The following RIMS2 variants were observed in gnomAD, a reference collection of about 807,000 sequenced individuals.
RIMS2 encodes the protein regulating synaptic membrane exocytosis protein 2.
In RIMS2, 59 loss-of-function variants were observed where a neutral mutation model predicts 174.4. That is an observed-to-expected ratio of 0.34 (90% CI 0.27 to 0.42). The LOEUF is 0.42. Ranked by LOEUF, RIMS2 falls within the 10% of genes least tolerant of loss-of-function variation. RIMS2 has a pLI of 1.00. For synonymous variants in RIMS2, 606 were observed against 572.5 expected (o/e 1.06, Z -0.84); for missense variants, 1,620 against 1,666.3 (o/e 0.97, Z 0.48).
At chr8:104,133,072 G>A (rs1325445765) in intron 19 of RIMS2, among the ~76,000 whole-genome samples, 1 of 152,198 alleles carries the variant, frequency 6.6e-6, no homozygotes, top group African/African-American at 2.4e-5. Context: ...AAAAACTTAA[G>A]TTCTAGTGTC....
chr8:103,663,127 C>T (rs1203681572), intron 1 of RIMS2, among the ~76,000 whole-genome samples: 1 of 151,824 alleles, frequency 6.6e-6, no homozygotes, highest in African/African-American at 2.4e-5. Context: ...TGAGATTACA[C>T]CACTGCACCC....
chr8:103,975,568 A>T, intron 16 of RIMS2, 62 bp downstream of exon 18: 2 of 1,180,526 alleles, frequency 1.7e-6, no homozygotes, highest in South Asian at 1.3e-5. Context: ...CTCCAGAGGG[A>T]CAAAACTAAT....
intron 15 of RIMS2, among the ~76,000 whole-genome samples, chr8:103,970,509 C>T (rs892319372): frequency 3.3e-5 from 5 of 152,156 alleles, no homozygotes; most frequent in Non-Finnish European, 7.3e-5. Context: ...CCTGGTGGAG[C>T]TCCTGGAGGT....
intron 19 of RIMS2, among the ~76,000 whole-genome samples, chr8:104,026,793 T>C (rs887275590): frequency 3.9e-5 from 6 of 152,260 alleles, no homozygotes; most frequent in African/African-American, 1.4e-4. Context: ...GATACAACAG[T>C]GATGAAGGAG....
intron 2 of RIMS2, among the ~76,000 whole-genome samples, chr8:103,697,879 G>C (rs1434090498): frequency 6.6e-6 from 1 of 152,140 alleles, no homozygotes; most frequent in Non-Finnish European, 1.5e-5. Context: ...ACAAGAGTTA[G>C]CTGGGCATGG....
chr8:104,104,564 T>C (rs1290641983), intron 19 of RIMS2, among the ~76,000 whole-genome samples: 2 of 152,314 alleles, frequency 1.3e-5, no homozygotes, highest in East Asian at 1.9e-4. Flanking sequence ...TGGAAAATTA[T>C]ATGATATAGT....
intron 3 of RIMS2, among the ~76,000 whole-genome samples, chr8:103,794,471 A>G (rs1231729608): frequency 2.6e-5 from 4 of 152,238 alleles, no homozygotes; most frequent in Non-Finnish European, 5.9e-5. Flanking sequence ...ACCTAAAACC[A>G]TAGAAATCCT....
chr8:103,970,976 G>A (rs532873496), intron 15 of RIMS2, among the ~76,000 whole-genome samples: 316 of 152,146 alleles, frequency 2.1e-3, no homozygotes, highest in Non-Finnish European at 3.7e-3. Context: ...TGAAACTTTG[G>A]TATGGAAATT....
At chr8:103,852,636 T>C (rs1201134901) in intron 3 of RIMS2, among the ~76,000 whole-genome samples, 2 of 152,014 alleles carry the variant, frequency 1.3e-5, no homozygotes. Flanking sequence ...TAGCCCCCAC[T>C]TGTAAGTAAG....
intron 1 of RIMS2, among the ~76,000 whole-genome samples, chr8:103,574,497 C>G (rs1322392983): frequency 6.6e-6 from 1 of 152,184 alleles, no homozygotes; most frequent in Non-Finnish European, 1.5e-5. Context: ...ATTACTTCGT[C>G]TGTTTATTTC....
intron 3 of RIMS2, among the ~76,000 whole-genome samples, chr8:103,773,293 A>G (rs1201870276): frequency 1.3e-5 from 2 of 152,238 alleles, no homozygotes; most frequent in Non-Finnish European, 2.9e-5. Context: ...GCTTAAAAAG[A>G]TATATAAAGC....
At chr8:103,897,958 A>G (rs1042918251) in intron 4 of RIMS2, among the ~76,000 whole-genome samples, 1 of 151,668 alleles carries the variant, frequency 6.6e-6, no homozygotes, top group Non-Finnish European at 1.5e-5. Flanking sequence ...AGTCCAATCA[A>G]TATTGCATAG....
chr8:103,608,364 T>C (rs1223606196), intron 1 of RIMS2, among the ~76,000 whole-genome samples: 1 of 143,550 alleles, frequency 7.0e-6, no homozygotes, highest in Admixed American at 6.8e-5. Flanking sequence ...GATCTCCAGC[T>C]GCGTACTGGG....
Position 104,124,134 on chromosome 8 carries a change from A to T in RIMS2, c.3334+109519A>T, listed in dbSNP as rs570020663. Among the ~76,000 whole-genome samples the T allele has an allele frequency of 1.2e-4, 19 of 152,256 alleles. No homozygotes were observed. In the South Asian group the frequency reaches 3.9e-3, roughly 32 times the overall value. On this transcript the variant is annotated intron_variant, in intron 19 of 23. Coordinates refer to ENST00000504942, the Ensembl canonical transcript of RIMS2. ...TGTCTATATATGAGAGAAAAACAAA[A>T]CTTTTTTTCTTAAATACTTCTTAAG...
chr8:104,062,345 G>A (rs769377473), intron 19 of RIMS2, among the ~76,000 whole-genome samples: 5 of 151,952 alleles, frequency 3.3e-5, no homozygotes, highest in Non-Finnish European at 5.9e-5. Context: ...CAGAGTTTGC[G>A]GTGAGCCGAG....
intron 9 of RIMS2, chr8:103,920,842 A>G (rs1393177576): frequency 1.4e-5 from 5 of 346,610 alleles, no homozygotes; most frequent in African/African-American, 2.3e-5. Flanking sequence ...AAAAAAAAAT[A>G]CAAAAAATTA....
At chr8:103,696,862 C>CAAAAAAAAAAAAAAA (rs55852238) in intron 1 of RIMS2, among the ~76,000 whole-genome samples, 1 of 53,742 alleles carries the variant, frequency 1.9e-5, no homozygotes, top group Non-Finnish European at 3.5e-5. Flanking sequence ...GACTTCGTCT[C>CAAAAAAAAAAAAAAA]AAAAAAAAAA....
chr8:104,014,686 T>A (rs1438246652), intron 19 of RIMS2, 71 bp downstream of exon 21: 6 of 861,548 alleles, frequency 7.0e-6, no homozygotes, highest in Non-Finnish European at 1.1e-5. Context: ...GATTTTCTTA[T>A]TACCTTTGTG....
intron 15 of RIMS2, 79 bp from the exon 18 acceptor site, chr8:103,975,271 T>C: frequency 2.4e-6 from 2 of 831,000 alleles, no homozygotes; most frequent in East Asian, 2.7e-5. Flanking sequence ...ACCAACATTT[T>C]GTTTTTGAGT....
Sources: allele counts gnomAD v4.1 joint callset (sites outside exome capture counted in the v4.1 genomes callset), GRCh38; gene constraint gnomAD v4.1.1; transcripts MANE v1.5; gene names NCBI Gene and HGNC (gene_info 2026-07-23, HGNC 2026-07-21).